The following KLHL21 variants were observed in gnomAD, a reference collection of about 807,000 sequenced individuals.
KLHL21 encodes the protein kelch-like protein 21.
In KLHL21, 42 loss-of-function variants were observed where a neutral mutation model predicts 44.1. The observed-to-expected ratio is 0.95, with a 90% CI of 0.74 to 1.23. The LOEUF is 1.23. Ranked by LOEUF, KLHL21 falls within the 50% of genes most tolerant of loss-of-function variation. The probability of loss-of-function intolerance (pLI) is 0.00; values close to 1 mark genes in which losing one functional copy is unlikely to be tolerated. For missense variants in KLHL21, 918 were observed against 889.1 expected (o/e 1.03, Z -0.41); for synonymous variants, 524 against 411.6 (o/e 1.27, Z -3.31).
chr1:6,602,610 G>A lies in KLHL21; in HGVS notation c.208C>T (p.Arg70Cys), dbSNP rs776353270. 8 of 1,522,288 alleles carry A rather than the reference G, an allele frequency of 5.3e-6. No individual in the cohort carries two copies. Among genetic ancestry groups the A allele is most frequent in the South Asian group, 1.2e-5 (1 of 82,426 alleles). The allele number at this position is 1,522,288 out of a possible 1,614,324, so 94.3% of individuals were successfully genotyped here. A position where few individuals can be genotyped will look rare whatever the true frequency, so the allele number is the denominator to read the frequency against. ...CGCACCCGCTCGGCGCGGCTCTCGC[G>A]CAGCTGCCCCGCGAACATGGCGCGG... Reference protein sequence around the residue: ...YFRAMFAGQLRESRAERVRLH... With the variant: ...YFRAMFAGQLCESRAERVRLH... Residue 70 changes from arginine (R) to cysteine (C), a missense_variant, in exon 1 of 4, where the codon CGC becomes TGC. Physicochemically the swap from Arg to Cys is radical, Grantham distance 180. Coordinates refer to ENST00000377658, the MANE Select transcript of KLHL21 (RefSeq NM_014851.4).
rs1641032645 is a variant in KLHL21, at chr1:6,602,113, C to T, written c.705G>A (p.Leu235=). 6.8e-7 allele frequency: 1 copy of T among 1,466,680 alleles called. No individual in the cohort carries two copies. Among genetic ancestry groups the T allele is most frequent in the East Asian group, 2.8e-5 (1 of 36,016 alleles). 90.9% of individuals were successfully genotyped at this position (1,466,680 alleles called of 1,614,324 possible). The part of the protein sequence containing the change: ...RLPFVRRFYL[L]AHVEAEPLVA... ...CCAGCGGCTCGGCCTCGACGTGCGC[C>T]AACAGGTAGAAGCGGCGCACGAAGG... The change falls in exon 1 of 4, where the codon TTG becomes TTA. Residue 235 remains leucine, a synonymous_variant. Coordinates refer to ENST00000377658, the MANE Select transcript of KLHL21 (RefSeq NM_014851.4).
At chr1:6,596,436 A>G (rs1300862248) in intron 2 of KLHL21, among the ~76,000 whole-genome samples, 1 of 152,202 alleles carries the variant, frequency 6.6e-6, no homozygotes. Context: ...CTTCGTCTCA[A>G]AAACAAAAAA....
Position 6,602,620 on chromosome 1 carries a change from C to G in KLHL21, c.198G>C (p.Ala66=), listed in dbSNP as rs1208784901. 7 of 1,520,500 alleles carry G rather than the reference C, an allele frequency of 4.6e-6. No homozygotes were observed. The East Asian group carries it at 1.5e-4, about 33-fold the overall frequency. The allele number at this position is 1,520,500 out of a possible 1,614,324, so 94.2% of individuals were successfully genotyped here. A position where few individuals can be genotyped will look rare whatever the true frequency, so the allele number is the denominator to read the frequency against. The change falls in exon 1 of 4, where the codon GCG becomes GCC. Residue 66 remains alanine, a synonymous_variant. Transcript: ENST00000377658. The stretch of plus-strand genomic sequence containing the variant: ...CGGCGCGGCTCTCGCGCAGCTGCCC[C>G]GCGAACATGGCGCGGAAGTAGGGGC... The part of the protein sequence containing the change: ...AASPYFRAMF[A]GQLRESRAER...
rs1640852223 is a variant in KLHL21, at chr1:6,591,653, C to T, written c.*1712G>A. 6.6e-6 allele frequency: 1 copy of T among 152,348 alleles called. No homozygotes were observed. Among genetic ancestry groups the T allele is most frequent in the African/African-American group, 2.4e-5 (1 of 41,460 alleles). The allele number at this position is 152,348 out of a possible 1,614,324, so 9.4% of individuals were successfully genotyped here. A position where few individuals can be genotyped will look rare whatever the true frequency, so the allele number is the denominator to read the frequency against. On this transcript the variant is annotated 3_prime_UTR_variant, in exon 4 of 4. Coordinates refer to ENST00000377658, the MANE Select transcript of KLHL21 (RefSeq NM_014851.4). ...ACAACCTCTGGGTGGGCTCAGCAGC[C>T]CCTAGGAAGTTAAGCGAGAGCTACA...
rs374292340 is a variant in KLHL21 at position 6,593,360 on chromosome 1, T to C, written c.*5A>G. ...CACCGAGGCCCGTGCCGGGCCAGAC[T>C]GGGGCTAGTGCAGCTCATCGGGGTC... On this transcript the variant is annotated 3_prime_UTR_variant, in exon 4 of 4. Transcript: ENST00000377658. 3.8e-6 allele frequency: 6 copies of C among 1,573,284 alleles called. No homozygotes were observed. The highest frequency in any genetic ancestry group is 1.1e-5 in the South Asian group (1 of 88,750).
intron 3 of KLHL21, chr1:6,595,023 A>G (rs1441981447): frequency 8.0e-6 from 2 of 249,730 alleles, no homozygotes; most frequent in Non-Finnish European, 1.5e-5. Context: ...GTACCACTGC[A>G]CTCCAGCCTG....
chr1:6,593,631 G>T lies in KLHL21; in HGVS notation c.1528C>A (p.Leu510Ile), dbSNP rs768626276. 6.3e-7 allele frequency: 1 copy of T among 1,590,956 alleles called. No homozygotes were observed. The highest frequency in any genetic ancestry group is 1.1e-5 in the South Asian group (1 of 88,424). The change falls in exon 4 of 4, where the codon CTT becomes ATT. Residue 510 changes from leucine to isoleucine, a missense_variant. Transcript: ENST00000377658. ...QVHVGGSLAV[L>I]GGKLYVSGGY... ...CCAGAGACGTACAGCTTCCCCCCAAGGACGGCCAGGCTGCCCCCCACATGT... is the reference window on the plus strand; with the variant it reads ...CCAGAGACGTACAGCTTCCCCCCAATGACGGCCAGGCTGCCCCCCACATGT...
At position 6,591,360 on chromosome 1, in the gene KLHL21, G is replaced by A; in HGVS notation, c.*2005C>T. 4.4e-6 allele frequency: 1 copy of A among 229,702 alleles called. No individual in the cohort carries two copies. The highest frequency in any genetic ancestry group is 8.4e-6 in the Non-Finnish European group (1 of 119,292). The allele number at this position is 229,702 out of a possible 1,614,324, so 14.2% of individuals were successfully genotyped here. A position where few individuals can be genotyped will look rare whatever the true frequency, so the allele number is the denominator to read the frequency against. ...TCTGAGTGGCCGACACAAGCCTGGAGTACGGCAGCTGCCAACCACAGCAAA... is the reference window on the plus strand; with the variant it reads ...TCTGAGTGGCCGACACAAGCCTGGAATACGGCAGCTGCCAACCACAGCAAA... On this transcript the variant is annotated 3_prime_UTR_variant, in exon 4 of 4. Coordinates refer to ENST00000377658, the MANE Select transcript of KLHL21 (RefSeq NM_014851.4).
At position 6,599,239 on chromosome 1, in the gene KLHL21, A is replaced by G. The variant is rs1640975749; in HGVS notation, c.1235T>C (p.Met412Thr). The change falls in exon 2 of 4, where the codon ATG becomes ACG. Residue 412 changes from methionine (M) to threonine (T), a missense_variant. By Grantham distance (81) the Met-to-Thr change is moderately conservative. Coordinates refer to ENST00000377658, the MANE Select transcript of KLHL21 (RefSeq NM_014851.4). ...WEALQPMTYP[M>T]DNCSTTACRG... The stretch of plus-strand genomic sequence containing the variant: ...GCACGCAGTGGTGGAGCAGTTGTCC[A>G]TGGGGTAGGTCATGGGCTGCAGGGC... 2 of 1,614,074 alleles carry G rather than the reference A, an allele frequency of 1.2e-6. No homozygotes were observed. The highest frequency in any genetic ancestry group is 1.7e-6 in the Non-Finnish European group (2 of 1,180,012).
chr1:6,597,890 G>C (rs1250385132), intron 2 of KLHL21, among the ~76,000 whole-genome samples: 1 of 152,252 alleles, frequency 6.6e-6, no homozygotes, highest in Non-Finnish European at 1.5e-5. Context: ...GTACAGCAGG[G>C]AGGGGCTGCC....
intron 3 of KLHL21, chr1:6,594,057 G>A (rs1360562733): frequency 9.8e-7 from 1 of 1,022,468 alleles, no homozygotes; most frequent in Non-Finnish European, 1.2e-6. Flanking sequence ...TGAACCGCGA[G>A]GCTGGATGAT....
At position 6,602,035 on chromosome 1, in the gene KLHL21, CTGGAAGTCGCGCGCCTCGCGCAGCA is replaced by C. The variant is rs1209664577; in HGVS notation, c.758_782del (p.Leu253ArgfsTer79). ...GGTCGTGGCGGTCGTAGCGCGCCGC[CTGGAAGTCGCGCGCCTCGCGCAGCA>C]GGCGCAGGCAGGGTGGGCAGCGCGC... is the stretch of plus-strand genomic sequence containing the variant. On this transcript the variant is annotated frameshift_variant, in exon 1 of 4. Transcript: ENST00000377658. LOFTEE classifies it high-confidence loss of function. 2 of 1,528,624 alleles carry C rather than the reference CTGGAAGTCGCGCGCCTCGCGCAGCA, an allele frequency of 1.3e-6. No individual in the cohort carries two copies. Among genetic ancestry groups the C allele is most frequent in the Non-Finnish European group, 1.8e-6 (2 of 1,136,254 alleles). The allele number at this position is 1,528,624 out of a possible 1,614,324, so 94.7% of individuals were successfully genotyped here. A position where few individuals can be genotyped will look rare whatever the true frequency, so the allele number is the denominator to read the frequency against.
At chr1:6,595,879 C>T (rs1174878011) in intron 2 of KLHL21, among the ~76,000 whole-genome samples, 1 of 152,208 alleles carries the variant, frequency 6.6e-6, no homozygotes, top group African/African-American at 2.4e-5. Flanking sequence ...CCCCCCAAGC[C>T]TACAGTAGCT....
At chr1:6,596,410 G>A (rs1200244438) in intron 2 of KLHL21, among the ~76,000 whole-genome samples, 2 of 152,200 alleles carry the variant, frequency 1.3e-5, no homozygotes, top group African/African-American at 4.8e-5. Flanking sequence ...CAGCCTGGGA[G>A]GCATAGTGAG....
intron 1 of KLHL21, chr1:6,599,805 G>C: frequency 3.9e-6 from 1 of 253,504 alleles, no homozygotes; most frequent in East Asian, 8.2e-5. Flanking sequence ...GAGCCACAGA[G>C]CTTGTCAGCA....
At position 6,593,273 on chromosome 1, in the gene KLHL21, G is replaced by T; in HGVS notation, c.*92C>A. 1.5e-6 allele frequency: 2 copies of T among 1,363,736 alleles called. No individual in the cohort carries two copies. Among genetic ancestry groups the T allele is most frequent in the Non-Finnish European group, 2.0e-6 (2 of 1,011,666 alleles). 84.5% of individuals were successfully genotyped at this position (1,363,736 alleles called of 1,614,324 possible). A position where few individuals can be genotyped will look rare whatever the true frequency, so the allele number is the denominator to read the frequency against. ...CCAAGAGCCTGTGCTCCTCCTGTGA[G>T]CCCAACGTGTCCTTGTGCACAAAGG... On this transcript the variant is annotated 3_prime_UTR_variant, in exon 4 of 4. Coordinates refer to ENST00000377658, the MANE Select transcript of KLHL21 (RefSeq NM_014851.4).
chr1:6,599,701 G>A, intron 1 of KLHL21: 6 of 544,980 alleles, frequency 1.1e-5, no homozygotes, highest in South Asian at 6.9e-5. Context: ...GTGCAATGCT[G>A]GAAGAATCCA....
At chr1:6,600,468 C>A (rs898891363) in intron 1 of KLHL21, among the ~76,000 whole-genome samples, 1 of 152,238 alleles carries the variant, frequency 6.6e-6, no homozygotes, top group Non-Finnish European at 1.5e-5. Context: ...GGCTGTACCC[C>A]TTGGCCTCCC....
chr1:6,600,935 C>T (rs1415062326), intron 1 of KLHL21, among the ~76,000 whole-genome samples: 1 of 152,224 alleles, frequency 6.6e-6, no homozygotes. Context: ...CCCACTGGAA[C>T]TCGGAGCACG....
Sources: allele counts gnomAD v4.1 joint callset (sites outside exome capture counted in the v4.1 genomes callset), GRCh38; gene constraint gnomAD v4.1.1; transcripts MANE v1.5; gene names NCBI Gene and HGNC (gene_info 2026-07-23, HGNC 2026-07-21).